The following ABCG1 variants were observed in gnomAD, a reference collection of about 807,000 sequenced individuals.
ABCG1 encodes ATP binding cassette subfamily G member 1.
In ABCG1, 29 loss-of-function variants were observed where a neutral mutation model predicts 69.2. The observed-to-expected ratio is 0.42, with a 90% confidence interval of 0.31 to 0.57. ABCG1 has a LOEUF of 0.57. ABCG1 is among the 20% of genes least tolerant of loss of function. ABCG1 has a pLI of 0.15. For synonymous variants in ABCG1, 370 were observed against 374.8 expected, an observed-to-expected ratio of 0.99 and a Z score of 0.15; for missense variants, 718 against 898.1, an observed-to-expected ratio of 0.80 and a Z score of 2.56.
intron 2 of ABCG1, among the ~76,000 whole-genome samples, chr21:42,255,285 G>T (rs1308720098): frequency 6.6e-6 from 1 of 152,152 alleles, no homozygotes; most frequent in Non-Finnish European, 1.5e-5. Flanking sequence ...TATGTACATG[G>T]TGTGTCTGTG....
At chr21:42,281,448 C>T (rs948330591) in intron 5 of ABCG1, among the ~76,000 whole-genome samples, 1 of 152,192 alleles carries the variant, frequency 6.6e-6, no homozygotes, top group African/African-American at 2.4e-5. Flanking sequence ...CTTCGTGTTC[C>T]CTGAGTCGAT....
At chr21:42,231,586 T>C (rs1250421910) in intron 2 of ABCG1, among the ~76,000 whole-genome samples, 1 of 152,254 alleles carries the variant, frequency 6.6e-6, no homozygotes, top group African/African-American at 2.4e-5. Context: ...CTAAAGTGCA[T>C]GGAAGGCATC....
At chr21:42,250,998 A>C (rs1448505018) in intron 2 of ABCG1, among the ~76,000 whole-genome samples, 2 of 152,002 alleles carry the variant, frequency 1.3e-5, no homozygotes. Context: ...CAACAACAGA[A>C]ACGAACACAG....
rs963007491 is a variant in ABCG1 at position 42,287,063 on chromosome 21, G to A, written c.974-826G>A. On this transcript the variant is annotated intron_variant, in intron 8 of 14. Coordinates refer to ENST00000398449, the MANE Select transcript of ABCG1 (RefSeq NM_016818.3). The surrounding 1 kb of genome is among the most constrained non-coding windows in gnomAD (Gnocchi z 6.2). ...AGCTGGCTCTGCCAGAGGGAAGTGC[G>A]GAAAAGGTAAGGGTGTTGGGGAGCT... 2.0e-4 allele frequency among the ~76,000 whole-genome samples: 30 copies of A among 152,244 alleles called. No individual in the cohort carries two copies. Among genetic ancestry groups the A allele is most frequent in the African/African-American group, 3.4e-4 (14 of 41,468 alleles).
chr21:42,286,941 C>T (rs1387653803), intron 8 of ABCG1, among the ~76,000 whole-genome samples: 1 of 152,068 alleles, frequency 6.6e-6, no homozygotes, highest in African/African-American at 2.4e-5. Flanking sequence ...TCGTTTGGAG[C>T]CCTTGAGGAT....
intron 13 of ABCG1, among the ~76,000 whole-genome samples, chr21:42,292,924 C>CGG (rs1457802500): frequency 1.4e-5 from 2 of 146,314 alleles, no homozygotes; most frequent in Admixed American, 6.8e-5. Context: ...ACCACACATA[C>CGG]TACACACCAC....
rs1431864868 is a variant in ABCG1, at chr21:42,219,246, G to A, written c.-17G>A. 1.4e-5 allele frequency: 22 copies of A among 1,533,598 alleles called. No individual in the cohort carries two copies. Among genetic ancestry groups the A allele is most frequent in the Non-Finnish European group, 1.7e-5 (19 of 1,147,932 alleles). The allele number at this position is 1,533,598 out of a possible 1,614,324, so 95.0% of individuals were successfully genotyped here. ...CCCCGCCGCCGCCGCCGCCGCCGCC[G>A]CCGCCGCCCCCGGGGCATGGCCTGT... On this transcript the variant is annotated 5_prime_UTR_variant, in exon 1 of 15. Transcript: ENST00000398449. This position sits in a 1 kb window ranked among gnomAD's most constrained non-coding sequence, Gnocchi z 5.3.
chr21:42,227,158 A>G (rs1336534652), intron 2 of ABCG1, among the ~76,000 whole-genome samples: 3 of 152,126 alleles, frequency 2.0e-5, no homozygotes, highest in Non-Finnish European at 4.4e-5. Context: ...ACAAGCAGAA[A>G]CAGATTCAGT....
At chr21:42,243,850 ACT>A (rs2068092225) in intron 2 of ABCG1, among the ~76,000 whole-genome samples, 1 of 112,402 alleles carries the variant, frequency 8.9e-6, no homozygotes, top group African/African-American at 3.6e-5. Context: ...ACGGAGTCTC[ACT>A]CTGTCGCCCA....
At chr21:42,216,804 G>C (rs1029579402), upstream of ABCG1, among the ~76,000 whole-genome samples, 1 of 152,204 alleles carries the variant, frequency 6.6e-6, no homozygotes, top group African/African-American at 2.4e-5. Flanking sequence ...CTACGCTACT[G>C]TTGGCTTCTT....
chr21:42,247,753 A>G (rs1222136067), intron 2 of ABCG1, among the ~76,000 whole-genome samples: 1 of 152,238 alleles, frequency 6.6e-6, no homozygotes, highest in Middle Eastern at 3.2e-3. Flanking sequence ...CAAGGACATG[A>G]TCTTACAAGA....
chr21:42,294,448 C>A, intron 13 of ABCG1, 94 bp from the exon 14 acceptor site: 1 of 964,796 alleles, frequency 1.0e-6, no homozygotes, highest in Non-Finnish European at 1.7e-6. Context: ...GGTGCCCTGG[C>A]CCTGCCCGGG....
intron 2 of ABCG1, among the ~76,000 whole-genome samples, chr21:42,242,963 A>G (rs1162088804): frequency 1.3e-5 from 2 of 152,108 alleles, no homozygotes; most frequent in Non-Finnish European, 2.9e-5. Context: ...TTGCTGGTCC[A>G]GGGATCCCAC....
Position 42,219,788 on chromosome 21 carries a change from G to A in ABCG1, c.42+484G>A. 2.1e-6 allele frequency: 3 copies of A among 1,423,238 alleles called. No individual in the cohort carries two copies. The highest frequency in any genetic ancestry group is 2.7e-6 in the Non-Finnish European group (3 of 1,091,020). The allele number at this position is 1,423,238 out of a possible 1,614,324, so 88.2% of individuals were successfully genotyped here. A position where few individuals can be genotyped will look rare whatever the true frequency, so the allele number is the denominator to read the frequency against. On this transcript the variant is annotated intron_variant, in intron 1 of 14. Transcript: ENST00000398449. The surrounding 1 kb of genome is among the most constrained non-coding windows in gnomAD (Gnocchi z 5.3). ...CAGGAACGCCAGGCAAGGTCTGGGG[G>A]AACAAAAGAGGAAGCTGCCCCCAGA... is the stretch of plus-strand genomic sequence containing the variant.
chr21:42,291,762 G>A lies in ABCG1; in HGVS notation c.1653+106G>A. ...CCACCCCTTCCCCTACTTCTGCCCT[G>A]ACCCTCCTAGATGGGGTCGTTCCCA... On this transcript the variant is annotated intron_variant, in intron 13 of 14. Coordinates refer to ENST00000398449, the MANE Select transcript of ABCG1 (RefSeq NM_016818.3). The surrounding 1 kb of genome is among the most constrained non-coding windows in gnomAD (Gnocchi z 6.4). The A allele has an allele frequency of 2.3e-6, 3 of 1,327,500 alleles. No individual in the cohort carries two copies. The highest frequency in any genetic ancestry group is 3.0e-6 in the Non-Finnish European group (3 of 996,906). The allele number at this position is 1,327,500 out of a possible 1,614,324, so 82.2% of individuals were successfully genotyped here. A position where few individuals can be genotyped will look rare whatever the true frequency, so the allele number is the denominator to read the frequency against.
chr21:42,206,416 A>G (rs568776364), intron 2 of ABCG1, among the ~76,000 whole-genome samples: 38 of 152,234 alleles, frequency 2.5e-4, no homozygotes, highest in Middle Eastern at 3.4e-3. Context: ...AATCTGTACA[A>G]TTTCAATTCT....
intron 2 of ABCG1, among the ~76,000 whole-genome samples, chr21:42,266,599 C>G (rs2068509913): frequency 6.6e-6 from 1 of 152,198 alleles, no homozygotes. Context: ...CGTCACCACC[C>G]TATCTGGAGC....
chr21:42,239,852 A>G (rs535260474), intron 2 of ABCG1, among the ~76,000 whole-genome samples: 2 of 152,366 alleles, frequency 1.3e-5, no homozygotes, highest in African/African-American at 4.8e-5. Flanking sequence ...CACTTGGGTG[A>G]TGAGCCTTTG....
At chr21:42,285,269 G>T (rs981304870) in intron 7 of ABCG1, among the ~76,000 whole-genome samples, 2 of 152,116 alleles carry the variant, frequency 1.3e-5, no homozygotes, top group Non-Finnish European at 2.9e-5. Context: ...AGGCTGAGGT[G>T]GGCAGATCAC....
Sources: allele counts gnomAD v4.1 joint callset (sites outside exome capture counted in the v4.1 genomes callset), GRCh38; gene constraint gnomAD v4.1.1; non-coding constraint Gnocchi (gnomAD v3.1); transcripts MANE v1.5; gene names NCBI Gene and HGNC (gene_info 2026-07-23, HGNC 2026-07-21).